GDPD5: variants seen among roughly 807,000 people sequenced by gnomAD.
The protein encoded by GDPD5 is glycerophosphodiester phosphodiesterase domain containing 5.
A neutral mutation model predicts 75.1 loss-of-function variants in GDPD5; 48 were observed. That is an observed-to-expected ratio of 0.64 (90% confidence interval 0.51 to 0.81). The LOEUF is 0.81. Among genes scored for constraint, GDPD5 ranks in the 40% least tolerant of loss-of-function variants. GDPD5 has a pLI of 0.00. For synonymous variants in GDPD5, 336 were observed against 339.0 expected, an observed-to-expected ratio of 0.99 and a Z score of 0.10; for missense variants, 706 against 822.6, an observed-to-expected ratio of 0.86 and a Z score of 1.73.
chr11:75,442,447 G>T lies in GDPD5; in HGVS notation c.1083C>A (p.Asp361Glu). The T allele has an allele frequency of 6.2e-7, 1 of 1,612,906 alleles. No individual in the cohort carries two copies. The highest frequency in any genetic ancestry group is 1.1e-5 in the South Asian group (1 of 90,844). ...GNATLLLNLR[D>E]PPREHPYRSS... Reference sequence around the variant, plus strand: ...TGCGGTAGGGGTGCTCCCGGGGCGGGTCACGCAGGTTGAGCAGCAGTGTGG... The same window carrying T: ...TGCGGTAGGGGTGCTCCCGGGGCGGTTCACGCAGGTTGAGCAGCAGTGTGG... The change falls in exon 12 of 17, where the codon GAC (aspartate) becomes GAA (glutamate). Residue 361 changes from aspartate (D) to glutamate (E), a missense_variant. Coordinates refer to ENST00000336898, the MANE Select transcript of GDPD5 (RefSeq NM_030792.8).
intron 2 of GDPD5, among the ~76,000 whole-genome samples, chr11:75,486,958 C>T (rs1950031385): frequency 1.3e-5 from 2 of 152,156 alleles, no homozygotes; most frequent in South Asian, 4.1e-4. Flanking sequence ...CAGAGGGCAT[C>T]CCAAACAGCT....
intron 3 of GDPD5, among the ~76,000 whole-genome samples, chr11:75,464,135 A>G (rs73494875): frequency 0.022 from 3,386 of 152,268 alleles, 134 homozygotes; most frequent in African/African-American, 0.077. Flanking sequence ...GGAAGGAGGG[A>G]AAGTCTTCTC....
intron 3 of GDPD5, among the ~76,000 whole-genome samples, chr11:75,472,099 C>T (rs1453627299): frequency 1.3e-5 from 2 of 152,140 alleles, no homozygotes; most frequent in Admixed American, 6.5e-5. Flanking sequence ...CTCTTTGGTA[C>T]AAGACAGGAG....
intron 3 of GDPD5, among the ~76,000 whole-genome samples, chr11:75,470,526 C>T (rs1338300730): frequency 6.6e-6 from 1 of 152,158 alleles, no homozygotes; most frequent in African/African-American, 2.4e-5. Flanking sequence ...GCAATCCACC[C>T]ATCCATCGAC....
intron 9 of GDPD5, among the ~76,000 whole-genome samples, chr11:75,447,183 G>A (rs192037097): frequency 1.2e-3 from 189 of 152,270 alleles, no homozygotes; most frequent in Non-Finnish European, 2.3e-3. Flanking sequence ...GAGCCCAGCC[G>A]GGGGATTGTT....
chr11:75,482,246 C>G (rs1229147882), intron 2 of GDPD5, among the ~76,000 whole-genome samples: 2 of 152,194 alleles, frequency 1.3e-5, no homozygotes, highest in East Asian at 3.9e-4. Flanking sequence ...TACTGGCTCT[C>G]AGAGTCTCCT....
rs149289369 is a variant in GDPD5, at chr11:75,502,854, C to T, written c.-144-12534G>A. Among the ~76,000 whole-genome samples the T allele has an allele frequency of 5.7e-3, 862 of 152,298 alleles. 4 individuals are homozygous for T. The highest frequency in any genetic ancestry group is 8.6e-3 in the Non-Finnish European group (587 of 68,020). The stretch of plus-strand genomic sequence containing the variant: ...AGAGAGAAAAGAAGGCCTGAGACTA[C>T]GCAAAGAGTGAGAGAAGCTGGGCAA... On this transcript the variant is annotated intron_variant, in intron 1 of 16. Coordinates refer to ENST00000336898, the MANE Select transcript of GDPD5 (RefSeq NM_030792.8).
chr11:75,476,353 C>T (rs902852661), intron 3 of GDPD5, among the ~76,000 whole-genome samples: 2 of 151,454 alleles, frequency 1.3e-5, no homozygotes, highest in Admixed American at 6.6e-5. Flanking sequence ...CATGGCCCAG[C>T]GGCAACTTGA....
At chr11:75,448,313 A>C (rs1434671252) in intron 9 of GDPD5, among the ~76,000 whole-genome samples, 2 of 152,200 alleles carry the variant, frequency 1.3e-5, no homozygotes, top group Admixed American at 1.3e-4. Context: ...ATATTTGGGC[A>C]CTGCACACAT....
intron 4 of GDPD5, among the ~76,000 whole-genome samples, chr11:75,458,032 T>A (rs1379938508): frequency 1.3e-5 from 2 of 152,214 alleles, no homozygotes; most frequent in East Asian, 3.8e-4. Flanking sequence ...AAGTAATCAT[T>A]ACCAAGGCTG....
chr11:75,443,415 C>G (rs1251979481), intron 10 of GDPD5, 129 bp from the exon 11 acceptor site: 1 of 1,054,768 alleles, frequency 9.5e-7, no homozygotes, highest in East Asian at 2.6e-5. Flanking sequence ...CTCTCTGGGC[C>G]TCAGTCTCCC....
intron 2 of GDPD5, among the ~76,000 whole-genome samples, chr11:75,489,990 A>C (rs1181465003): frequency 6.6e-6 from 1 of 152,172 alleles, no homozygotes; most frequent in African/African-American, 2.4e-5. Flanking sequence ...CCTTATCTAT[A>C]AAGCAGGGAT....
Position 75,437,001 on chromosome 11 carries a change from AGC to A in GDPD5, c.1602_1603del (p.Met534IlefsTer43). Reference sequence around the variant, plus strand: ...GCTGGTCCGGCGCACCGCAGCACTCAGCATGATCTGCTCAGGGTTGTAGCTCC... The same window carrying A: ...GCTGGTCCGGCGCACCGCAGCACTCAATGATCTGCTCAGGGTTGTAGCTCC... On this transcript the variant is annotated frameshift_variant, in exon 16 of 17. Coordinates refer to ENST00000336898, the MANE Select transcript of GDPD5 (RefSeq NM_030792.8). LOFTEE classifies it high-confidence loss of function. 6.2e-7 allele frequency: 1 copy of A among 1,613,544 alleles called. No homozygotes were observed. The highest frequency in any genetic ancestry group is 8.5e-7 in the Non-Finnish European group (1 of 1,179,992).
At position 75,477,767 on chromosome 11, in the gene GDPD5, C is replaced by T. The variant is rs781271667; in HGVS notation, c.-32G>A. ...GCCCACGGCCCTGGCGCCTGGCCCT[C>T]AGGCGCCCATGGAGGCCCCCAGCTT... On this transcript the variant is annotated 5_prime_UTR_variant, in exon 3 of 17. An upstream open reading frame in the 5' UTR loses its in-frame stop. Coordinates refer to ENST00000336898, the MANE Select transcript of GDPD5 (RefSeq NM_030792.8). 4.0e-6 allele frequency: 6 copies of T among 1,490,174 alleles called. No individual in the cohort carries two copies. The African/African-American group carries it at 5.6e-5, about 14-fold the overall frequency. 92.3% of individuals were successfully genotyped at this position (1,490,174 alleles called of 1,614,324 possible). A position where few individuals can be genotyped will look rare whatever the true frequency, so the allele number is the denominator to read the frequency against.
chr11:75,481,483 G>A (rs141927762), intron 2 of GDPD5, among the ~76,000 whole-genome samples: 90 of 152,294 alleles, frequency 5.9e-4, no homozygotes, highest in African/African-American at 2.0e-3. Flanking sequence ...TGTGGACTAT[G>A]GTGCAGCTGC....
chr11:75,499,907 T>C (rs1950275549), intron 1 of GDPD5, among the ~76,000 whole-genome samples: 1 of 152,192 alleles, frequency 6.6e-6, no homozygotes, highest in Non-Finnish European at 1.5e-5. Context: ...GACCTGAACC[T>C]GGTTTACGAG....
chr11:75,494,304 G>A (rs890820982), intron 1 of GDPD5, among the ~76,000 whole-genome samples: 2 of 148,026 alleles, frequency 1.4e-5, no homozygotes, highest in Admixed American at 6.9e-5. Context: ...TGCAACCTCC[G>A]CCTCCCAGGT....
chr11:75,486,371 T>C (rs1263635765), intron 2 of GDPD5, among the ~76,000 whole-genome samples: 1 of 152,156 alleles, frequency 6.6e-6, no homozygotes, highest in African/African-American at 2.4e-5. Context: ...CACCTGGTCG[T>C]CCTGAGCACC....
intron 3 of GDPD5, among the ~76,000 whole-genome samples, chr11:75,471,031 TAC>T (rs1481986292): frequency 1.3e-5 from 2 of 152,242 alleles, no homozygotes; most frequent in Non-Finnish European, 2.9e-5. Context: ...CACACGGTCC[TAC>T]AGAGACCAAG....
Sources: allele counts gnomAD v4.1 joint callset (sites outside exome capture counted in the v4.1 genomes callset), GRCh38; gene constraint gnomAD v4.1.1; transcripts MANE v1.5; gene names NCBI Gene and HGNC (gene_info 2026-07-23, HGNC 2026-07-21).